The following COLEC10 variants were observed in gnomAD, a reference collection of about 807,000 sequenced individuals.
COLEC10 encodes collectin-10.
In COLEC10, 22 loss-of-function variants were observed where a neutral mutation model predicts 28.4. That is an observed-to-expected ratio of 0.78 (90% CI 0.55 to 1.11). The LOEUF (loss-of-function observed/expected upper bound fraction) is 1.11. Among genes scored for constraint, COLEC10 ranks in the 50% least tolerant of loss-of-function variants. The pLI, the probability that COLEC10 is intolerant of heterozygous loss-of-function variation, is 0.00. For synonymous variants in COLEC10, 125 were observed against 116.1 expected (o/e 1.08, Z -0.49); for missense variants, 361 against 344.1 (o/e 1.05, Z -0.39).
At chr8:119,091,757 T>C (rs948191378) in intron 3 of COLEC10, among the ~76,000 whole-genome samples, 2 of 152,084 alleles carry the variant, frequency 1.3e-5, no homozygotes, top group African/African-American at 4.8e-5. Context: ...ATATAAGCAA[T>C]ATATCTCACA....
chr8:119,041,167 C>G (rs1265537790), intron 2 of COLEC10, among the ~76,000 whole-genome samples: 8 of 152,182 alleles, frequency 5.3e-5, no homozygotes. Flanking sequence ...GGAGCTCAGT[C>G]TCAAACCTAG....
the COLEC10 span, among the ~76,000 whole-genome samples, chr8:118,973,041 C>A: frequency 2.0e-5 from 3 of 151,900 alleles, no homozygotes; most frequent in Non-Finnish European, 4.4e-5. Flanking sequence ...GATTCAATTA[C>A]CTCCCATTGG....
Position 119,019,511 on chromosome 8 carries a change from A to T in COLEC10, n.235+9958A>T, listed in dbSNP as rs923912933. Among the ~76,000 whole-genome samples, 10 of 152,172 alleles carry T rather than the reference A, an allele frequency of 6.6e-5. No homozygotes were observed. The South Asian group carries it at 1.2e-3, about 19-fold the overall frequency. The stretch of plus-strand genomic sequence containing the variant: ...TGGAATGTCCTTTCCTTGTTTCCAC[A>T]TCATGCCCCCACCACCCCACTTCCA... On this transcript the variant is annotated intron_variant and non_coding_transcript_variant, in intron 2 of 6. Coordinates refer to the COLEC10 transcript ENST00000521788.
At chr8:118,969,693 CTT>C in the COLEC10 span, among the ~76,000 whole-genome samples, 41 of 139,204 alleles carry the variant, frequency 2.9e-4, no homozygotes, top group Middle Eastern at 3.7e-3. Context: ...TTCTTTCTTT[CTT>C]TTTTTTTTTT....
intron 2 of COLEC10, among the ~76,000 whole-genome samples, chr8:119,037,132 C>T (rs1035198478): frequency 6.6e-6 from 1 of 152,208 alleles, no homozygotes; most frequent in African/African-American, 2.4e-5. Flanking sequence ...ATTCTGATTT[C>T]AAGAATGACC....
At chr8:118,958,582 C>T in the COLEC10 span, among the ~76,000 whole-genome samples, 1 of 151,678 alleles carries the variant, frequency 6.6e-6, no homozygotes, top group South Asian at 2.1e-4. Context: ...GGTCTTCTGC[C>T]CAGGAAAAAA....
At chr8:119,048,888 G>A (rs981017426) in intron 2 of COLEC10, among the ~76,000 whole-genome samples, 2 of 152,102 alleles carry the variant, frequency 1.3e-5, no homozygotes, top group African/African-American at 2.4e-5. Flanking sequence ...GTTGTCAGCT[G>A]GTTGTTATGC....
chr8:118,963,340 G>A, the COLEC10 span, among the ~76,000 whole-genome samples: 1 of 152,192 alleles, frequency 6.6e-6, no homozygotes, highest in Non-Finnish European at 1.5e-5. Context: ...TCTGCCACTA[G>A]TGTTACTACG....
upstream of COLEC10, among the ~76,000 whole-genome samples, chr8:118,991,074 T>G (rs1037177093): frequency 2.0e-4 from 30 of 152,130 alleles, no homozygotes; most frequent in African/African-American, 7.0e-4. Flanking sequence ...TAGGAAACAG[T>G]TTTTAGTTAA....
At position 119,108,202 on chromosome 8, in the gene COLEC10, C is replaced by T. The variant is rs193148154; in HGVS notation, c.*2011C>T. On this transcript the variant is annotated 3_prime_UTR_variant, in exon 6 of 6. Transcript: ENST00000332843. The stretch of plus-strand genomic sequence containing the variant: ...AAAAATTACAAAGTAGGACATCAAA[C>T]GCCAGTATCCTTGGATAGAAAGCCA... Among the ~76,000 whole-genome samples, 15 of 152,224 alleles carry T rather than the reference C, an allele frequency of 9.9e-5. No homozygotes were observed. The highest frequency in any genetic ancestry group is 3.9e-4 in the East Asian group (2 of 5,184).
chr8:119,062,464 C>T (rs575176731), upstream of COLEC10, among the ~76,000 whole-genome samples: 4 of 150,652 alleles, frequency 2.7e-5, no homozygotes, highest in African/African-American at 7.3e-5. Context: ...TCAGCTTTCC[C>T]AGGTTGAATA....
upstream of COLEC10, among the ~76,000 whole-genome samples, chr8:119,065,984 G>T (rs1814947947): frequency 6.6e-6 from 1 of 152,114 alleles, no homozygotes; most frequent in Non-Finnish European, 1.5e-5. Flanking sequence ...GTGCCAAAAG[G>T]GTTGGCACTG....
chr8:119,088,848 G>A (rs11994953), intron 1 of COLEC10, among the ~76,000 whole-genome samples: 9 of 152,296 alleles, frequency 5.9e-5, no homozygotes, highest in African/African-American at 2.2e-4. Context: ...TTGTATCCCA[G>A]GTGTTCTATG....
At chr8:119,034,505 G>C (rs558585829) in intron 2 of COLEC10, among the ~76,000 whole-genome samples, 1 of 151,934 alleles carries the variant, frequency 6.6e-6, no homozygotes, top group East Asian at 1.9e-4. Flanking sequence ...AAGGTCAGGA[G>C]TTCAAGATCA....
At chr8:119,013,892 C>T (rs558641978) in intron 2 of COLEC10, among the ~76,000 whole-genome samples, 1 of 150,760 alleles carries the variant, frequency 6.6e-6, no homozygotes, top group Non-Finnish European at 1.5e-5. Context: ...ACACTTACAA[C>T]TAATCCAAGC....
chr8:119,060,711 A>G (rs1022184161), intron 2 of COLEC10, among the ~76,000 whole-genome samples: 2 of 152,122 alleles, frequency 1.3e-5, no homozygotes, highest in African/African-American at 4.8e-5. Flanking sequence ...GATGCAGGTA[A>G]TGAGAATGAG....
At chr8:119,049,192 C>T (rs1259566362) in intron 2 of COLEC10, among the ~76,000 whole-genome samples, 1 of 152,066 alleles carries the variant, frequency 6.6e-6, no homozygotes, top group Non-Finnish European at 1.5e-5. Flanking sequence ...AAAGCTTCTA[C>T]TGAGAGGTCT....
At chr8:119,055,505 T>C (rs1035295956) in intron 2 of COLEC10, among the ~76,000 whole-genome samples, 1 of 152,020 alleles carries the variant, frequency 6.6e-6, no homozygotes, top group Non-Finnish European at 1.5e-5. Context: ...AATAAGTAAA[T>C]ACTCATCCCA....
intron 2 of COLEC10, among the ~76,000 whole-genome samples, chr8:119,021,367 T>C (rs899250878): frequency 6.6e-6 from 1 of 152,200 alleles, no homozygotes; most frequent in Non-Finnish European, 1.5e-5. Flanking sequence ...TCATTCATCA[T>C]AGAACTTGAC....
Sources: allele counts gnomAD v4.1 joint callset (sites outside exome capture counted in the v4.1 genomes callset), GRCh38; gene constraint gnomAD v4.1.1; transcripts MANE v1.5; gene names NCBI Gene and HGNC (gene_info 2026-07-23, HGNC 2026-07-21).